Variants in PEAK1 observed in about 807,000 individuals in gnomAD.
PEAK1 encodes the protein pseudopodium enriched atypical kinase 1.
PEAK1 carries 54 observed loss-of-function variants against 124.7 expected under a neutral mutation model. The observed-to-expected ratio is 0.43, with a 90% CI of 0.35 to 0.54. PEAK1 has a LOEUF of 0.54. Among genes scored for constraint, PEAK1 ranks in the 20% least tolerant of loss-of-function variants. PEAK1 has a pLI of 0.01. For missense variants in PEAK1, 2,046 were observed against 2,134.5 expected (o/e 0.96, Z 0.82); for synonymous variants, 719 against 760.0 (o/e 0.95, Z 0.89).
At chr15:77,324,990 T>TG (rs2065476295) in intron 2 of PEAK1, among the ~76,000 whole-genome samples, 1 of 152,174 alleles carries the variant, frequency 6.6e-6, no homozygotes. Context: ...GTCTCACTAG[T>TG]GTTTATACAG....
At chr15:77,146,442 T>C (rs566063327) in intron 8 of PEAK1, among the ~76,000 whole-genome samples, 3 of 152,374 alleles carry the variant, frequency 2.0e-5, no homozygotes, top group African/African-American at 7.2e-5. Context: ...CTGGCTGACT[T>C]AATTTTTGTA....
intron 2 of PEAK1, among the ~76,000 whole-genome samples, chr15:77,305,100 G>C (rs557341204): frequency 6.6e-6 from 1 of 150,596 alleles, no homozygotes; most frequent in Admixed American, 6.6e-5. Context: ...TTGAGATTGA[G>C]CCACTGCACT....
At chr15:77,269,473 T>C (rs2061916515) in intron 5 of PEAK1, among the ~76,000 whole-genome samples, 1 of 152,104 alleles carries the variant, frequency 6.6e-6, no homozygotes, top group African/African-American at 2.4e-5. Context: ...AGTATCACAA[T>C]CCTACATACA....
At chr15:77,364,888 T>C (rs953226522) in intron 2 of PEAK1, among the ~76,000 whole-genome samples, 1 of 152,196 alleles carries the variant, frequency 6.6e-6, no homozygotes, top group African/African-American at 2.4e-5. Flanking sequence ...TTCTCAAGTA[T>C]ATCAGAGAAC....
intron 2 of PEAK1, chr15:77,350,087 A>G (rs764358396): frequency 4.9e-5 from 48 of 985,336 alleles, no homozygotes; most frequent in Non-Finnish European, 5.7e-5. Context: ...TGCAAACATA[A>G]TAAGAGCATA....
chr15:77,265,202 C>T (rs1194151292), intron 5 of PEAK1, among the ~76,000 whole-genome samples: 1 of 152,146 alleles, frequency 6.6e-6, no homozygotes, highest in Non-Finnish European at 1.5e-5. Flanking sequence ...TGGGCAAGGA[C>T]TTCATGTCTA....
chr15:77,157,202 A>G (rs1464271276), intron 8 of PEAK1: 1 of 152,216 alleles, frequency 6.6e-6, no homozygotes, highest in Admixed American at 6.5e-5. Context: ...TAACCTGACA[A>G]AGGAAAAGGA....
At chr15:77,415,890 C>T (rs906059597) in intron 1 of PEAK1, among the ~76,000 whole-genome samples, 2 of 152,164 alleles carry the variant, frequency 1.3e-5, no homozygotes, top group Non-Finnish European at 2.9e-5. Flanking sequence ...TCTTTCCAGG[C>T]TCACATTAAG....
chr15:77,371,397 G>T, intron 1 of PEAK1: 1 of 952,346 alleles, frequency 1.1e-6, no homozygotes. Flanking sequence ...TTGTAAAAGT[G>T]AAGCCATCAA....
intron 5 of PEAK1, among the ~76,000 whole-genome samples, chr15:77,262,657 C>G (rs886992743): frequency 1.2e-4 from 17 of 141,724 alleles, no homozygotes; most frequent in African/African-American, 2.1e-4. Flanking sequence ...AATAATGGGA[C>G]ACTTTAACAC....
chr15:77,404,773 A>T (rs573622616), intron 1 of PEAK1: 1 of 967,538 alleles, frequency 1.0e-6, no homozygotes, highest in East Asian at 1.1e-4. Flanking sequence ...AAAAAAGAGC[A>T]GGTTATCAGA....
chr15:77,384,293 T>G (rs552930020), intron 1 of PEAK1, among the ~76,000 whole-genome samples: 1 of 152,010 alleles, frequency 6.6e-6, no homozygotes, highest in South Asian at 2.1e-4. Flanking sequence ...GCAGAGAAAA[T>G]AGCAACAATG....
At chr15:77,175,120 T>TA (rs1432653918) in intron 7 of PEAK1, among the ~76,000 whole-genome samples, 1 of 151,986 alleles carries the variant, frequency 6.6e-6, no homozygotes, top group Non-Finnish European at 1.5e-5. Flanking sequence ...ATTAAAGACT[T>TA]AAACGTTAGA....
intron 6 of PEAK1, among the ~76,000 whole-genome samples, chr15:77,234,406 C>T (rs1374082101): frequency 2.0e-5 from 3 of 151,714 alleles, no homozygotes; most frequent in South Asian, 2.1e-4. Flanking sequence ...TTTTGTCATT[C>T]GTTTTAAAAA....
At chr15:77,126,633 T>C (rs574912088) in intron 9 of PEAK1, among the ~76,000 whole-genome samples, 8 of 152,312 alleles carry the variant, frequency 5.3e-5, no homozygotes, top group South Asian at 2.1e-4. Flanking sequence ...TTTCACTACA[T>C]AAACACATGT....
intron 2 of PEAK1, among the ~76,000 whole-genome samples, chr15:77,303,144 G>A (rs1156695228): frequency 1.3e-5 from 2 of 152,122 alleles, no homozygotes; most frequent in Admixed American, 6.5e-5. Context: ...ATGTACCACA[G>A]TTTATCCATT....
chr15:77,335,276 GCCTAACAAAGA>G, intron 2 of PEAK1: 2 of 985,400 alleles, frequency 2.0e-6, no homozygotes, highest in Non-Finnish European at 2.4e-6. Flanking sequence ...AAGCAATGCT[GCCTAACAAAGA>G]TTATTCTGGG....
At chr15:77,123,411 T>C (rs1367955966) in intron 9 of PEAK1, among the ~76,000 whole-genome samples, 1 of 152,178 alleles carries the variant, frequency 6.6e-6, no homozygotes, top group Non-Finnish European at 1.5e-5. Flanking sequence ...CATTTTTCCA[T>C]CAAGAAACAA....
At position 77,297,237 on chromosome 15, in the gene PEAK1, T is replaced by C. The variant is rs1046665338; in HGVS notation, c.-602-10733A>G. Reference sequence around the variant, plus strand: ...ACTGCCATTCACAGAAAAAAGCATATGTTTCATAGCAGCTACTTTAAAATC... The same window carrying C: ...ACTGCCATTCACAGAAAAAAGCATACGTTTCATAGCAGCTACTTTAAAATC... On this transcript the variant is annotated intron_variant, in intron 2 of 9. Transcript: ENST00000682557. Among the ~76,000 whole-genome samples the C allele has an allele frequency of 1.2e-4, 19 of 152,044 alleles. 1 individual carries two copies. The highest frequency in any genetic ancestry group is 4.6e-4 in the African/African-American group (19 of 41,292).
Sources: gnomAD v4.1 joint callset for allele counts (sites outside exome capture counted in the v4.1 genomes callset) on GRCh38, gnomAD v4.1.1 for gene constraint, MANE v1.5 for transcripts, NCBI Gene and HGNC (gene_info 2026-07-23, HGNC 2026-07-21) for gene names.